PNPLA3: variants seen among roughly 807,000 people sequenced by gnomAD.
PNPLA3 encodes 1-acylglycerol-3-phosphate O-acyltransferase PNPLA3.
In PNPLA3, 42 loss-of-function variants were observed where a neutral mutation model predicts 43.1. The observed-to-expected ratio is 0.97, with a 90% CI of 0.76 to 1.26. The LOEUF (loss-of-function observed/expected upper bound fraction) is 1.26. Among genes scored for constraint, PNPLA3 ranks in the 50% most tolerant of loss-of-function variants. PNPLA3 has a pLI of 0.00. For synonymous variants in PNPLA3, 272 were observed against 253.6 expected (o/e 1.07, Z -0.69); for missense variants, 647 against 621.4 (o/e 1.04, Z -0.44).
Position 43,923,965 on chromosome 22 carries a change from G to C in PNPLA3, c.54G>C (p.Leu18=). Reference sequence around the variant, plus strand: ...TGTCCTTCGCGGGCTGCGGCTTCCTGGGCTTCTACCACGTCGGGGCGACCC... The same window carrying C: ...TGTCCTTCGCGGGCTGCGGCTTCCTCGGCTTCTACCACGTCGGGGCGACCC... ...WSLSFAGCGF[L]GFYHVGATRC... is the part of the protein sequence containing the mutation. The change falls in exon 1 of 9, where the codon CTG becomes CTC. Residue 18 remains leucine, a synonymous_variant. Coordinates refer to ENST00000216180, the MANE Select transcript of PNPLA3 (RefSeq NM_025225.3). 1 of 1,585,030 alleles carries C rather than the reference G, an allele frequency of 6.3e-7. No individual in the cohort carries two copies. Among genetic ancestry groups the C allele is most frequent in the Non-Finnish European group, 8.5e-7 (1 of 1,174,026 alleles).
At chr22:43,940,283 G>C (rs1440644105) in intron 7 of PNPLA3, among the ~76,000 whole-genome samples, 158 bp downstream of exon 7, 2 of 152,198 alleles carry the variant, frequency 1.3e-5, no homozygotes, top group East Asian at 3.9e-4. Context: ...TTGCCCACCT[G>C]TCCTCAAGCC....
Position 43,934,617 on chromosome 22 carries a change from GAT to G in PNPLA3, c.711_712del (p.Ile237MetfsTer35). 6.2e-7 allele frequency: 1 copy of G among 1,613,910 alleles called. No homozygotes were observed. The highest frequency in any genetic ancestry group is 8.5e-7 in the Non-Finnish European group (1 of 1,179,798). ...VPPDLKVLGE[I>X]CLRGYLDAFR... ...TGCTTTGCTCACAGGTGCTGGGAGAGATATGCCTTCGAGGATATTTGGATGCA... is the reference window on the plus strand; with the variant it reads ...TGCTTTGCTCACAGGTGCTGGGAGAGATGCCTTCGAGGATATTTGGATGCA... On this transcript the variant is annotated frameshift_variant, in exon 5 of 9. Coordinates refer to ENST00000216180, the MANE Select transcript of PNPLA3 (RefSeq NM_025225.3). LOFTEE classifies it high-confidence loss of function.
chr22:43,933,225 G>A (rs1254084973), intron 4 of PNPLA3, 138 bp downstream of exon 4: 6 of 816,248 alleles, frequency 7.4e-6, no homozygotes, highest in Non-Finnish European at 9.5e-6. Context: ...AATAAAAGGC[G>A]CTTGTCCCAG....
rs367660283 is a variant in PNPLA3, at chr22:43,924,117, C to T, written c.187+19C>T. On this transcript the variant is annotated intron_variant, in intron 1 of 8. Transcript: ENST00000216180. ...CCGCTGGGTGCGTCTGGGGACGCTG[C>T]CCGGGCTCCACGTGCGGAGTGGGTG... 19 of 1,519,232 alleles carry T rather than the reference C, an allele frequency of 1.3e-5. No individual in the cohort carries two copies. Among genetic ancestry groups the T allele is most frequent in the Admixed American group, 2.1e-5 (1 of 48,560 alleles). The allele number at this position is 1,519,232 out of a possible 1,614,324, so 94.1% of individuals were successfully genotyped here. A position where few individuals can be genotyped will look rare whatever the true frequency, so the allele number is the denominator to read the frequency against.
In PNPLA3 at chr22:43,925,656, G is replaced by T. The variant is rs576367231; in HGVS notation, c.188-1279G>T. 7.9e-5 allele frequency among the ~76,000 whole-genome samples: 12 copies of T among 152,322 alleles called. 1 individual carries two copies. The South Asian group carries it at 2.5e-3, about 32-fold the overall frequency. On this transcript the variant is annotated intron_variant, in intron 1 of 8. Coordinates refer to ENST00000216180, the MANE Select transcript of PNPLA3 (RefSeq NM_025225.3). Reference sequence around the variant, plus strand: ...GGAGGTGGGGATTAGGGATTAGACAGTCCTGGCTGTCTGCCTTCCCCTAAG... The same window carrying T: ...GGAGGTGGGGATTAGGGATTAGACATTCCTGGCTGTCTGCCTTCCCCTAAG...
intron 4 of PNPLA3, among the ~76,000 whole-genome samples, chr22:43,933,793 A>G (rs2049977057): frequency 6.6e-6 from 1 of 152,168 alleles, no homozygotes; most frequent in African/African-American, 2.4e-5. Context: ...AAATTTGCAG[A>G]CCATGTACAC....
chr22:43,937,229 G>C lies in PNPLA3; in HGVS notation c.936G>C (p.Trp312Cys). 1.2e-6 allele frequency: 2 copies of C among 1,614,112 alleles called. No individual in the cohort carries two copies. The highest frequency in any genetic ancestry group is 8.5e-7 in the Non-Finnish European group (1 of 1,180,048). The change falls in exon 6 of 9, where the codon TGG becomes TGC. Residue 312 changes from tryptophan to cysteine, a missense_variant. By Grantham distance (215) the Trp-to-Cys change is radical. Coordinates refer to ENST00000216180, the MANE Select transcript of PNPLA3 (RefSeq NM_025225.3). ...LDHLRLSILP[W>C]DESILDTLSP... Reference sequence around the variant, plus strand: ...ACCTGCGTCTCAGCATCCTGCCCTGGGATGAGAGCATCCTGGACACCCTCT... The same window carrying C: ...ACCTGCGTCTCAGCATCCTGCCCTGCGATGAGAGCATCCTGGACACCCTCT...
At position 43,937,288 on chromosome 22, in the gene PNPLA3, G is replaced by A; in HGVS notation, c.979+16G>A. ...CTCGCTACAGGTACCCACTCCTCGG[G>A]GTGAGCACGGGCAGCACCTTGTTTT... On this transcript the variant is annotated intron_variant, in intron 6 of 8. Transcript: ENST00000216180. The A allele has an allele frequency of 6.2e-7, 1 of 1,608,170 alleles. No individual in the cohort carries two copies. The highest frequency in any genetic ancestry group is 8.5e-7 in the Non-Finnish European group (1 of 1,176,396).
Position 43,946,315 on chromosome 22 carries a change from A to G in PNPLA3, c.1379A>G (p.Asn460Ser), listed in dbSNP as rs774966241. The G allele has an allele frequency of 8.7e-6, 14 of 1,614,184 alleles. No individual in the cohort carries two copies. The Admixed American group carries it at 1.8e-4, about 21-fold the overall frequency. ...TCCAGCCTGAACTTCTTCTTGGGCA[A>G]TAAAGTACCTGCTGGTGCTGAGGGG... ...LRSSLNFFLG[N>S]KVPAGAEGLS... Residue 460 changes from asparagine (N) to serine (S), a missense_variant, in exon 9 of 9, where the codon AAT (asparagine) becomes AGT (serine). Transcript: ENST00000216180.
chr22:43,924,644 C>T (rs1187232192), intron 1 of PNPLA3, among the ~76,000 whole-genome samples: 3 of 151,386 alleles, frequency 2.0e-5, no homozygotes, highest in South Asian at 2.1e-4. Context: ...CTTTTCTTTT[C>T]TTTTTTTCTT....
At chr22:43,937,921 A>T (rs2050006326) in intron 6 of PNPLA3, among the ~76,000 whole-genome samples, 1 of 152,184 alleles carries the variant, frequency 6.6e-6, no homozygotes, top group African/African-American at 2.4e-5. Context: ...TGATGGTCTT[A>T]GGAGGTGGGG....
chr22:43,944,830 G>A (rs761620212), intron 8 of PNPLA3, 35 bp downstream of exon 8: 15 of 1,551,824 alleles, frequency 9.7e-6, no homozygotes, highest in Admixed American at 1.7e-5. Context: ...TGGGCCGGAC[G>A]GGCACCTCTC....
chr22:43,936,430 C>A (rs1420794208), intron 5 of PNPLA3, among the ~76,000 whole-genome samples: 1 of 152,066 alleles, frequency 6.6e-6, no homozygotes, highest in Non-Finnish European at 1.5e-5. Context: ...CCCAGTGTGC[C>A]AATGCTGTAA....
chr22:43,939,472 G>C (rs2050017106), intron 6 of PNPLA3: 2 of 919,546 alleles, frequency 2.2e-6, no homozygotes, highest in Non-Finnish European at 2.6e-6. Context: ...TCTCTTAGCT[G>C]TTCTTGGCTG....
At chr22:43,932,834 C>T in intron 3 of PNPLA3, 44 bp from the exon 4 acceptor site, 1 of 1,572,226 alleles carries the variant, frequency 6.4e-7, no homozygotes, top group Non-Finnish European at 8.8e-7. Context: ...AGCACTAACC[C>T]AGAGCTTCAG....
chr22:43,946,771 G>T lies in PNPLA3; in HGVS notation c.*389G>T, dbSNP rs767604048. On this transcript the variant is annotated 3_prime_UTR_variant, in exon 9 of 9. Coordinates refer to ENST00000216180, the MANE Select transcript of PNPLA3 (RefSeq NM_025225.3). ...GGCTGGCCCATGTGTGATCTTGTGG[G>T]GTGGAGGGAAGAGAATAGCATGATC... 3.8e-6 allele frequency: 2 copies of T among 525,650 alleles called. No individual in the cohort carries two copies. Among genetic ancestry groups the T allele is most frequent in the Non-Finnish European group, 7.5e-6 (2 of 265,028 alleles). The allele number at this position is 525,650 out of a possible 1,614,324, so 32.6% of individuals were successfully genotyped here.
intron 7 of PNPLA3, 147 bp downstream of exon 7, chr22:43,940,272 G>A: frequency 1.0e-6 from 1 of 1,004,598 alleles, no homozygotes; most frequent in Admixed American, 2.4e-5. Flanking sequence ...GCCCCTGAAT[G>A]TTGCCCACCT....
chr22:43,928,638 G>T (rs149670061), intron 2 of PNPLA3, among the ~76,000 whole-genome samples, 186 bp from the exon 3 acceptor site: 1 of 150,652 alleles, frequency 6.6e-6, no homozygotes, highest in Admixed American at 6.7e-5. Context: ...CAATAGATGA[G>T]ACCCATGGGC....
At chr22:43,941,479 C>T (rs992284630) in intron 7 of PNPLA3, among the ~76,000 whole-genome samples, 20 of 152,246 alleles carry the variant, frequency 1.3e-4, no homozygotes, top group African/African-American at 4.6e-4. Flanking sequence ...TGCAGCTTCC[C>T]GTCTAGAGAG....
Sources: gnomAD v4.1 joint callset for allele counts (sites outside exome capture counted in the v4.1 genomes callset) on GRCh38, gnomAD v4.1.1 for gene constraint, MANE v1.5 for transcripts, NCBI Gene and HGNC (gene_info 2026-07-23, HGNC 2026-07-21) for gene names.